PRR5: variants seen among roughly 807,000 people sequenced by gnomAD.
PRR5 encodes proline rich 5.
In PRR5, 25 loss-of-function variants were observed where a neutral mutation model predicts 30.6. The ratio of observed to expected loss-of-function variants is 0.82; its 90% confidence interval spans 0.60 to 1.14. The LOEUF is 1.14. PRR5 is among the 50% of genes most tolerant of loss of function. PRR5 has a pLI of 0.00. For synonymous variants in PRR5, 286 were observed against 247.1 expected (o/e 1.16, Z -1.48); for missense variants, 600 against 547.1 (o/e 1.10, Z -0.96).
chr22:44,679,654 C>T (rs1000172126), intron 1 of PRR5: 24 of 686,442 alleles, frequency 3.5e-5, no homozygotes, highest in African/African-American at 3.5e-4. Context: ...TGCAGTGAGC[C>T]GAGATCGCCC....
chr22:44,736,940 C>T lies in PRR5; in HGVS notation c.860C>T (p.Thr287Met), dbSNP rs772777832. The T allele has an allele frequency of 2.9e-5, 46 of 1,605,728 alleles. No homozygotes were observed. The Middle Eastern group carries it at 5.0e-4, about 17-fold the overall frequency. Reference protein sequence around the residue: ...SIRRHSVSEMTSCPEPQGFSD... With the variant: ...SIRRHSVSEMMSCPEPQGFSD... ...CGCAGGCACTCTGTGTCGGAGATGACGTCCTGCCCCGAGCCTCAGGGCTTC... is the reference window on the plus strand; with the variant it reads ...CGCAGGCACTCTGTGTCGGAGATGATGTCCTGCCCCGAGCCTCAGGGCTTC... Residue 287 changes from threonine (T) to methionine (M), a missense_variant, in exon 8 of 8, where the codon ACG becomes ATG. By Grantham distance (81) the Thr-to-Met change is moderately conservative. Transcript: ENST00000336985.
intron 2 of PRR5, among the ~76,000 whole-genome samples, chr22:44,720,653 G>A (rs1011935847): frequency 6.6e-6 from 1 of 152,212 alleles, no homozygotes; most frequent in Admixed American, 6.5e-5. Flanking sequence ...CTGGCCAGGG[G>A]CAGTGGGTCC....
Position 44,731,816 on chromosome 22 carries a change from G to A in PRR5, c.409G>A (p.Val137Met), listed in dbSNP as rs749381206. 3.1e-6 allele frequency: 5 copies of A among 1,612,908 alleles called. No homozygotes were observed. The South Asian group carries it at 5.5e-5, about 18-fold the overall frequency. Residue 137 changes from valine to methionine, a missense_variant, in exon 5 of 8, where the codon GTG becomes ATG. Physicochemically the swap from Val to Met is conservative, Grantham distance 21. Transcript: ENST00000336985. ...LPMLQAIFYP[V>M]QGKEPSVRQL... ...CATGCTGCAGGCCATCTTCTACCCG[G>A]TGCAGGTGGGCAGCCCAGCCCTGGG...
chr22:44,699,576 G>A (rs766211618), upstream of PRR5, among the ~76,000 whole-genome samples: 73 of 152,324 alleles, frequency 4.8e-4, no homozygotes, highest in Admixed American at 2.4e-3. Flanking sequence ...TCATCCATCC[G>A]TTAAACCAAA....
At chr22:44,727,010 C>A (rs1378814907) in intron 4 of PRR5, among the ~76,000 whole-genome samples, 1 of 152,162 alleles carries the variant, frequency 6.6e-6, no homozygotes, top group African/African-American at 2.4e-5. Flanking sequence ...GTCACCGATA[C>A]TCACAGAGGA....
intron 1 of PRR5, among the ~76,000 whole-genome samples, chr22:44,678,684 C>T (rs1315616879): frequency 6.6e-6 from 1 of 152,192 alleles, no homozygotes; most frequent in African/African-American, 2.4e-5. Flanking sequence ...CTCCTGTTCA[C>T]CGCAGGCCAG....
At chr22:44,704,349 G>T (rs944708397) in intron 1 of PRR5, among the ~76,000 whole-genome samples, 1 of 152,098 alleles carries the variant, frequency 6.6e-6, no homozygotes, top group African/African-American at 2.4e-5. Context: ...ACAGGTGGGG[G>T]CACTGGCTGG....
At chr22:44,724,685 G>A (rs1007316265) in intron 2 of PRR5, among the ~76,000 whole-genome samples, 9 of 152,132 alleles carry the variant, frequency 5.9e-5, no homozygotes, top group African/African-American at 1.2e-4. Context: ...CAGCTCTGGC[G>A]TGTCCCATGT....
chr22:44,708,966 CAAAAAA>C (rs60854330), intron 1 of PRR5, among the ~76,000 whole-genome samples: 3,459 of 64,108 alleles, frequency 0.054, 38 homozygotes, highest in South Asian at 0.093. Context: ...GACTCTGTCT[CAAAAAA>C]AAAAAAAAAA....
In PRR5 at chr22:44,691,830, TAGC is replaced by T. The variant is rs1569071852; in HGVS notation, c.-10-10659_-10-10657del. Among the ~76,000 whole-genome samples the T allele has an allele frequency of 2.6e-5, 4 of 151,518 alleles. No individual in the cohort carries two copies. The South Asian group carries it at 8.3e-4, about 31-fold the overall frequency. Reference sequence around the variant, plus strand: ...TTTTTTCCAGATGAGGACTCCTTGGTAGCAGAAGTGGGGGCATGGCTGGTGGTT... The same window carrying T: ...TTTTTTCCAGATGAGGACTCCTTGGTAGAAGTGGGGGCATGGCTGGTGGTT... On this transcript the variant is annotated intron_variant, in intron 1 of 8. Transcript: ENST00000006251. This position sits in a 1 kb window ranked among gnomAD's most constrained non-coding sequence, Gnocchi z 4.4.
At chr22:44,729,323 A>C in intron 4 of PRR5, 1 of 978,118 alleles carries the variant, frequency 1.0e-6, no homozygotes, top group Non-Finnish European at 1.2e-6. Flanking sequence ...GGGCCTGCAC[A>C]GGGCCCTCAG....
At chr22:44,674,254 G>A (rs1218000685), upstream of PRR5, among the ~76,000 whole-genome samples, 3 of 151,708 alleles carry the variant, frequency 2.0e-5, no homozygotes, top group East Asian at 1.9e-4. Flanking sequence ...CCACAGGCAC[G>A]CACCACCACA....
chr22:44,681,440 T>C (rs940460142), intron 1 of PRR5, among the ~76,000 whole-genome samples: 21 of 151,914 alleles, frequency 1.4e-4, no homozygotes, highest in African/African-American at 4.8e-4. Context: ...ATATAAAAAT[T>C]AGCTGGGCAT....
intron 2 of PRR5, among the ~76,000 whole-genome samples, chr22:44,719,194 C>T (rs1376362999): frequency 6.6e-6 from 1 of 152,016 alleles, no homozygotes. Context: ...ATCCTCCCAC[C>T]TCAGCCTCCT....
chr22:44,705,005 G>A (rs941775187), intron 1 of PRR5, among the ~76,000 whole-genome samples: 58 of 152,160 alleles, frequency 3.8e-4, no homozygotes, highest in African/African-American at 1.4e-3. Context: ...GGGGACAGGC[G>A]TGTCATTCTG....
At chr22:44,697,771 G>A (rs572858021), upstream of PRR5, among the ~76,000 whole-genome samples, 9 of 152,330 alleles carry the variant, frequency 5.9e-5, no homozygotes, top group Admixed American at 3.3e-4. Context: ...CTCTGACCTC[G>A]GACATACGCC....
At chr22:44,679,271 TAC>T (rs1924048367) in intron 1 of PRR5, 2 of 152,670 alleles carry the variant, frequency 1.3e-5, no homozygotes, top group African/African-American at 4.8e-5. Flanking sequence ...AAATGAAATG[TAC>T]CGAGATGGGG....
intron 1 of PRR5, among the ~76,000 whole-genome samples, chr22:44,692,725 T>C (rs1478150149): frequency 6.6e-6 from 1 of 152,184 alleles, no homozygotes; most frequent in Non-Finnish European, 1.5e-5. Flanking sequence ...GAATACAGGT[T>C]GGGAGTGCAG....
chr22:44,681,409 G>A (rs1924271807), intron 1 of PRR5, among the ~76,000 whole-genome samples: 1 of 152,134 alleles, frequency 6.6e-6, no homozygotes, highest in Non-Finnish European at 1.5e-5. Context: ...CCAACATGGT[G>A]AAACCCTGTC....
Sources: allele counts gnomAD v4.1 joint callset (sites outside exome capture counted in the v4.1 genomes callset), GRCh38; gene constraint gnomAD v4.1.1; non-coding constraint Gnocchi (gnomAD v3.1); transcripts MANE v1.5; gene names NCBI Gene and HGNC (gene_info 2026-07-23, HGNC 2026-07-21).